EPB41L3: variants seen among roughly 807,000 people sequenced by gnomAD.
The protein encoded by EPB41L3 is erythrocyte membrane protein band 4.1 like 3.
Under a neutral mutation model 127.1 loss-of-function variants are expected in EPB41L3, and 57 were observed. That is an observed-to-expected ratio of 0.45 (90% confidence interval 0.36 to 0.56). The LOEUF (loss-of-function observed/expected upper bound fraction) is 0.56. Ranked by LOEUF, EPB41L3 falls within the 20% of genes least tolerant of loss-of-function variation. The pLI is 0.00. For synonymous variants in EPB41L3, 572 were observed against 549.5 expected, an observed-to-expected ratio of 1.04 and a Z score of -0.57; for missense variants, 1,273 against 1,372.2, an observed-to-expected ratio of 0.93 and a Z score of 1.14.
upstream of EPB41L3, among the ~76,000 whole-genome samples, chr18:5,544,894 T>C (rs947429693): frequency 6.6e-6 from 1 of 152,222 alleles, no homozygotes; most frequent in Non-Finnish European, 1.5e-5. Flanking sequence ...ACATCTCATG[T>C]ACCCCATAAA....
At chr18:5,540,957 C>T (rs1421170877) in intron 1 of EPB41L3, among the ~76,000 whole-genome samples, 1 of 151,758 alleles carries the variant, frequency 6.6e-6, no homozygotes, top group Non-Finnish European at 1.5e-5. Context: ...TGGTGGCGGG[C>T]GCCTGTAGTC....
chr18:5,543,962 G>T lies in EPB41L3; in HGVS notation c.-61C>A, dbSNP rs570184229. 1.2e-5 allele frequency: 12 copies of T among 985,670 alleles called. No individual in the cohort carries two copies. The East Asian group carries it at 1.4e-3, about 112-fold the overall frequency. The allele number at this position is 985,670 out of a possible 1,614,324, so 61.1% of individuals were successfully genotyped here. A position where few individuals can be genotyped will look rare whatever the true frequency, so the allele number is the denominator to read the frequency against. ...GCGCCGCGGCGTGGGGACTAGGCTC[G>T]GGCGCGCGTCCTCGGCGGCGGTGCG... On this transcript the variant is annotated 5_prime_UTR_variant, in exon 1 of 23. Transcript: ENST00000341928. This position sits in a 1 kb window ranked among gnomAD's most constrained non-coding sequence, Gnocchi z 5.2.
At chr18:5,405,655 G>A (rs1435654737) in intron 16 of EPB41L3, among the ~76,000 whole-genome samples, 1 of 152,050 alleles carries the variant, frequency 6.6e-6, no homozygotes, top group Non-Finnish European at 1.5e-5. Flanking sequence ...AGCCAAGTGT[G>A]GTGGTGCCTG....
intron 1 of EPB41L3, among the ~76,000 whole-genome samples, chr18:5,490,327 T>C (rs188328708): frequency 1.4e-4 from 22 of 152,332 alleles, no homozygotes; most frequent in African/African-American, 2.9e-4. Context: ...ACTAGTGTAG[T>C]GCTTTAGGCA....
chr18:5,412,398 G>A (rs1987745), intron 13 of EPB41L3, among the ~76,000 whole-genome samples: 1 of 151,958 alleles, frequency 6.6e-6, no homozygotes, highest in Admixed American at 6.6e-5. Flanking sequence ...GCTAATTTTT[G>A]TACTTTTAGT....
rs10645523 is a variant in EPB41L3 at position 5,405,777 on chromosome 18, AAAAC to A, written c.2349+996_2349+999del. 4.4e-3 allele frequency among the ~76,000 whole-genome samples: 658 copies of A among 149,172 alleles called. 1 individual carries two copies. The highest frequency in any genetic ancestry group is 0.015 in the African/African-American group (592 of 40,054). On this transcript the variant is annotated intron_variant, in intron 16 of 22. Transcript: ENST00000341928. Reference sequence around the variant, plus strand: ...GGCGACAGAGAGAAACACCATCTCAAAAACAAACAAACAAACAAACAAAAACAAA... The same window carrying A: ...GGCGACAGAGAGAAACACCATCTCAAAAACAAACAAACAAACAAAAACAAA...
chr18:5,530,536 C>G (rs554501700), intron 1 of EPB41L3, among the ~76,000 whole-genome samples: 1 of 152,212 alleles, frequency 6.6e-6, no homozygotes, highest in East Asian at 1.9e-4. Flanking sequence ...CCCAGCTGCC[C>G]CTAAGACTCA....
intron 3 of EPB41L3, among the ~76,000 whole-genome samples, chr18:5,591,628 G>C (rs753364709): frequency 6.6e-6 from 1 of 152,200 alleles, no homozygotes; most frequent in Non-Finnish European, 1.5e-5. Context: ...AGGAAGAAAA[G>C]TGGAAGAAAT....
chr18:5,568,844 T>C (rs895346205), intron 3 of EPB41L3, among the ~76,000 whole-genome samples: 1 of 152,208 alleles, frequency 6.6e-6, no homozygotes, highest in Non-Finnish European at 1.5e-5. Flanking sequence ...GGAAGAGCCC[T>C]CACATGGCCC....
intron 3 of EPB41L3, among the ~76,000 whole-genome samples, chr18:5,589,732 C>A (rs2094469932): frequency 6.6e-6 from 1 of 152,194 alleles, no homozygotes; most frequent in Non-Finnish European, 1.5e-5. Context: ...CGCCAGTCCT[C>A]ATAATTTTAT....
chr18:5,421,329 A>G (rs1416737998), intron 11 of EPB41L3, among the ~76,000 whole-genome samples: 2 of 152,346 alleles, frequency 1.3e-5, no homozygotes, highest in South Asian at 2.1e-4. Context: ...GCGATTCTAC[A>G]AAGTTCCTCA....
chr18:5,428,142 G>A (rs920458361), intron 9 of EPB41L3, among the ~76,000 whole-genome samples, 171 bp downstream of exon 9: 6 of 152,116 alleles, frequency 3.9e-5, no homozygotes, highest in Admixed American at 1.3e-4. Context: ...TAATAAAGAA[G>A]AGAATATTTA....
intron 6 of EPB41L3, among the ~76,000 whole-genome samples, chr18:5,435,505 C>T (rs2079639454): frequency 6.6e-6 from 1 of 152,034 alleles, no homozygotes; most frequent in African/African-American, 2.4e-5. Context: ...TTATAATTTC[C>T]CACAGTATTC....
At chr18:5,621,420 T>C (rs1170831171) in intron 1 of EPB41L3, among the ~76,000 whole-genome samples, 1 of 152,150 alleles carries the variant, frequency 6.6e-6, no homozygotes, top group African/African-American at 2.4e-5. Context: ...ATGGGTTACA[T>C]TTGTATCCAC....
chr18:5,551,295 C>G (rs1362896367), intron 3 of EPB41L3, among the ~76,000 whole-genome samples: 1 of 152,218 alleles, frequency 6.6e-6, no homozygotes, highest in Non-Finnish European at 1.5e-5. Context: ...TAACCTTCAG[C>G]AAATTTCCAC....
upstream of EPB41L3, chr18:5,629,060 G>C (rs1161650015): frequency 2.6e-5 from 4 of 152,290 alleles, no homozygotes; most frequent in African/African-American, 9.7e-5. Context: ...CTGGAGCGCG[G>C]GCCCGCCTCC....
intron 3 of EPB41L3, among the ~76,000 whole-genome samples, chr18:5,599,074 T>C (rs2094563957): frequency 6.6e-6 from 1 of 152,208 alleles, no homozygotes; most frequent in Non-Finnish European, 1.5e-5. Context: ...CAAACAAACA[T>C]GTATTATGGA....
chr18:5,611,941 A>C (rs1469352974), intron 3 of EPB41L3, among the ~76,000 whole-genome samples: 1 of 152,158 alleles, frequency 6.6e-6, no homozygotes, highest in East Asian at 1.9e-4. Context: ...CCTGGGTGAC[A>C]AAGAAAAAGC....
At chr18:5,434,201 G>A in intron 6 of EPB41L3, 80 bp from the exon 7 acceptor site, 2 of 1,127,944 alleles carry the variant, frequency 1.8e-6, no homozygotes, top group Admixed American at 2.0e-5. Context: ...AAAATCGTGG[G>A]CAAATAATTT....
Sources: allele counts gnomAD v4.1 joint callset (sites outside exome capture counted in the v4.1 genomes callset), GRCh38; gene constraint gnomAD v4.1.1; non-coding constraint Gnocchi (gnomAD v3.1); transcripts MANE v1.5; gene names NCBI Gene and HGNC (gene_info 2026-07-23, HGNC 2026-07-21).